The following SNX29 variants were observed in gnomAD, a reference collection of about 807,000 sequenced individuals.
SNX29 encodes the protein sorting nexin-29.
In SNX29, 78 loss-of-function variants were observed where a neutral mutation model predicts 102.1. The ratio of observed to expected loss-of-function variants is 0.76; its 90% CI spans 0.64 to 0.92. SNX29 has a LOEUF of 0.92. Ranked by LOEUF, SNX29 falls within the 40% of genes least tolerant of loss-of-function variation. The probability of loss-of-function intolerance (pLI) is 0.00; values close to 1 mark genes in which losing one functional copy is unlikely to be tolerated. For missense variants in SNX29, 1,280 were observed against 1,061.7 expected, an observed-to-expected ratio of 1.21 and a Z score of -2.86; for synonymous variants, 580 against 414.5, an observed-to-expected ratio of 1.40 and a Z score of -4.85.
intron 16 of SNX29, among the ~76,000 whole-genome samples, chr16:12,396,971 G>T (rs1192606627): frequency 1.3e-5 from 2 of 152,184 alleles, no homozygotes; most frequent in Non-Finnish European, 2.9e-5. Flanking sequence ...CTGCAGCCTT[G>T]AACTCCAGGA....
chr16:12,164,343 A>C (rs1314950728), intron 13 of SNX29, among the ~76,000 whole-genome samples: 1 of 152,190 alleles, frequency 6.6e-6, no homozygotes, highest in Admixed American at 6.5e-5. Context: ...ATAGAGTACT[A>C]GTTATGCTGG....
chr16:12,569,302 C>T lies in SNX29; in HGVS notation c.*673C>T, dbSNP rs192799649. The stretch of plus-strand genomic sequence containing the variant: ...CTTCCCCTACCTCCCCCATGGCTGG[C>T]TTCAGGAAGGACCAGTGCCCTCCAT... On this transcript the variant is annotated 3_prime_UTR_variant, in exon 21 of 21. Transcript: ENST00000566228. 8.7e-6 allele frequency: 2 copies of T among 229,414 alleles called. No individual in the cohort carries two copies. The highest frequency in any genetic ancestry group is 5.7e-5 in the Admixed American group (1 of 17,622). 14.2% of individuals were successfully genotyped at this position (229,414 alleles called of 1,614,324 possible).
chr16:12,225,677 T>A lies in SNX29; in HGVS notation c.1678+25994T>A, dbSNP rs60437027. ...TCCAGGTCAGCCCAGGTACAAGTTG[T>A]AAGGTAGAGGCAGCATGGAAAGTTA... On this transcript the variant is annotated intron_variant, in intron 14 of 20. Transcript: ENST00000566228. Among the ~76,000 whole-genome samples, 122 of 152,304 alleles carry A rather than the reference T, an allele frequency of 8.0e-4. 1 individual carries two copies. In the East Asian group the frequency reaches 0.023, roughly 29 times the overall value.
At chr16:12,359,673 G>C (rs2082245814) in intron 16 of SNX29, among the ~76,000 whole-genome samples, 1 of 152,068 alleles carries the variant, frequency 6.6e-6, no homozygotes, top group African/African-American at 2.4e-5. Context: ...ATCAACTCAA[G>C]GTCATTCTTG....
intron 15 of SNX29, among the ~76,000 whole-genome samples, chr16:12,289,393 C>G (rs185157198): frequency 8.3e-4 from 126 of 152,346 alleles, no homozygotes; most frequent in African/African-American, 3.0e-3. Context: ...TGCCTCTGTG[C>G]AGGCATGCTT....
At chr16:12,445,240 C>G (rs890335746) in intron 18 of SNX29, among the ~76,000 whole-genome samples, 2 of 152,102 alleles carry the variant, frequency 1.3e-5, no homozygotes, top group African/African-American at 2.4e-5. Flanking sequence ...TTTTATACAA[C>G]AAAGACAAAG....
chr16:12,038,759 G>C (rs2057547392), intron 4 of SNX29: 1 of 152,220 alleles, frequency 6.6e-6, no homozygotes, highest in Non-Finnish European at 1.5e-5. Flanking sequence ...TCGGAGGGAG[G>C]TGACTGCATT....
intron 13 of SNX29, among the ~76,000 whole-genome samples, chr16:12,162,240 C>T (rs751060261): frequency 3.9e-5 from 6 of 152,188 alleles, no homozygotes; most frequent in African/African-American, 9.7e-5. Context: ...CACATGTCAG[C>T]GCCTCCGAGG....
chr16:12,082,209 T>G (rs1344380985), intron 11 of SNX29, among the ~76,000 whole-genome samples: 1 of 152,096 alleles, frequency 6.6e-6, no homozygotes, highest in Admixed American at 6.6e-5. Flanking sequence ...ATGGGCATTT[T>G]TTTTTTTTAA....
chr16:12,505,003 C>T (rs970974231), intron 19 of SNX29, among the ~76,000 whole-genome samples: 7 of 152,192 alleles, frequency 4.6e-5, no homozygotes, highest in Admixed American at 2.0e-4. Context: ...AGGCCGGGCA[C>T]AGTGGCTCAT....
chr16:12,404,305 G>A (rs774165480), intron 18 of SNX29, among the ~76,000 whole-genome samples: 4 of 152,150 alleles, frequency 2.6e-5, no homozygotes, highest in Non-Finnish European at 4.4e-5. Context: ...TGCTTAGGAG[G>A]TGATTTTACC....
chr16:11,993,386 A>G (rs1317212288), intron 1 of SNX29, among the ~76,000 whole-genome samples: 1 of 152,052 alleles, frequency 6.6e-6, no homozygotes, highest in African/African-American at 2.4e-5. Context: ...GCAAACACAG[A>G]GGCTTGGATT....
rs570973759 is a variant in SNX29, at chr16:12,152,952, G to C, written c.1595+23194G>C. Among the ~76,000 whole-genome samples the C allele has an allele frequency of 1.9e-3, 295 of 152,306 alleles. 3 individuals are homozygous for C. The highest frequency in any genetic ancestry group is 6.5e-3 in the African/African-American group (271 of 41,568). ...GTGGCAGGGCTGGAATTTGAATGCAGACTCTGCTAGAACGTCCCCTGCCAT... is the reference window on the plus strand; with the variant it reads ...GTGGCAGGGCTGGAATTTGAATGCACACTCTGCTAGAACGTCCCCTGCCAT... On this transcript the variant is annotated intron_variant, in intron 13 of 20. Coordinates refer to ENST00000566228, the MANE Select transcript of SNX29 (RefSeq NM_032167.5).
intron 15 of SNX29, among the ~76,000 whole-genome samples, chr16:12,335,248 AG>A (rs568084521): frequency 2.7e-4 from 41 of 152,198 alleles, no homozygotes; most frequent in African/African-American, 8.2e-4. Context: ...GCAGGGAGGT[AG>A]GGGGAGGAGT....
chr16:12,527,502 C>G, intron 20 of SNX29: 2 of 419,336 alleles, frequency 4.8e-6, no homozygotes, highest in East Asian at 4.1e-5. Flanking sequence ...CTGAACGTAA[C>G]CGGATTGTTC....
At chr16:12,322,842 G>A (rs547877615) in intron 15 of SNX29, among the ~76,000 whole-genome samples, 3 of 152,036 alleles carry the variant, frequency 2.0e-5, no homozygotes, top group South Asian at 4.2e-4. Context: ...GTCAGGATGC[G>A]GTCACTAGGG....
At chr16:12,467,490 C>T (rs1161864775) in intron 18 of SNX29, among the ~76,000 whole-genome samples, 1 of 152,158 alleles carries the variant, frequency 6.6e-6, no homozygotes, top group Non-Finnish European at 1.5e-5. Flanking sequence ...TGACTTCCTG[C>T]TTCTGTGGGA....
intron 20 of SNX29, among the ~76,000 whole-genome samples, chr16:12,552,972 G>A (rs1451709690): frequency 2.6e-5 from 4 of 152,228 alleles, no homozygotes; most frequent in African/African-American, 7.2e-5. Flanking sequence ...TGTATTGAGT[G>A]CAGCAGGCAC....
intron 20 of SNX29, among the ~76,000 whole-genome samples, chr16:12,538,571 A>G (rs1327707684): frequency 6.6e-6 from 1 of 152,114 alleles, no homozygotes. Context: ...GTCTTAGCTG[A>G]GCTGGCTTCT....
Sources: allele counts gnomAD v4.1 joint callset (sites outside exome capture counted in the v4.1 genomes callset), GRCh38; gene constraint gnomAD v4.1.1; transcripts MANE v1.5; gene names NCBI Gene and HGNC (gene_info 2026-07-23, HGNC 2026-07-21).